The following TRPS1 variants were observed in gnomAD, a reference collection of about 807,000 sequenced individuals.
The protein encoded by TRPS1 is transcriptional repressor GATA binding 1.
A neutral mutation model predicts 101.2 loss-of-function variants in TRPS1; 6 were observed. That is an observed-to-expected ratio of 0.06 (90% CI 0.03 to 0.12). The LOEUF (loss-of-function observed/expected upper bound fraction) is 0.12, where lower values mean the gene tolerates loss of function less well. Among genes scored for constraint, TRPS1 ranks in the 10% least tolerant of loss-of-function variants. The probability of loss-of-function intolerance (pLI) is 1.00; values close to 1 mark genes in which losing one functional copy is unlikely to be tolerated. For missense variants in TRPS1, 1,363 were observed against 1,567.0 expected (o/e 0.87, Z 2.20); for synonymous variants, 578 against 589.8 (o/e 0.98, Z 0.29).
chr8:115,462,296 A>G (rs1814199457), intron 5 of TRPS1, among the ~76,000 whole-genome samples: 1 of 151,420 alleles, frequency 6.6e-6, no homozygotes, highest in Non-Finnish European at 1.5e-5. Flanking sequence ...GTGACTAGTC[A>G]TCTTCATACG....
intron 4 of TRPS1, among the ~76,000 whole-genome samples, chr8:115,599,980 C>G (rs1395748857): frequency 6.6e-6 from 1 of 152,190 alleles, no homozygotes; most frequent in Non-Finnish European, 1.5e-5. Context: ...GTTCCTATTT[C>G]TCCACATCCT....
intron 5 of TRPS1, 33 bp downstream of exon 5, chr8:115,586,968 C>T (rs1317901778): frequency 6.2e-7 from 1 of 1,613,222 alleles, no homozygotes; most frequent in Non-Finnish European, 8.5e-7. Context: ...CCCTTCAAAA[C>T]AAATGAATTA....
chr8:115,590,731 C>A (rs1309045568), intron 4 of TRPS1, among the ~76,000 whole-genome samples: 1 of 152,122 alleles, frequency 6.6e-6, no homozygotes, highest in Non-Finnish European at 1.5e-5. Context: ...ATTTACTGAA[C>A]CTGTCTCAGT....
chr8:115,636,555 CAGG>C (rs1166431135), intron 1 of TRPS1, among the ~76,000 whole-genome samples: 1 of 152,118 alleles, frequency 6.6e-6, no homozygotes, highest in Admixed American at 6.6e-5. Flanking sequence ...AGTAATAATA[CAGG>C]AGGAGACATG....
Position 115,623,731 on chromosome 8 carries a change from A to T in TRPS1, c.-94T>A. On this transcript the variant is annotated 5_prime_UTR_variant, in exon 2 of 7. Transcript: ENST00000395715. ...CTTAGAAGACGCTCAGAAGACACAG[A>T]AGACATTTTGAGAGCTGATCTGTAC... 1 of 1,555,686 alleles carries T rather than the reference A, an allele frequency of 6.4e-7. No homozygotes were observed. Among genetic ancestry groups the T allele is most frequent in the African/African-American group, 1.4e-5 (1 of 73,664 alleles).
At chr8:115,660,979 G>A (rs1482602447) in intron 1 of TRPS1, among the ~76,000 whole-genome samples, 1 of 151,874 alleles carries the variant, frequency 6.6e-6, no homozygotes, top group Non-Finnish European at 1.5e-5. Flanking sequence ...GTCTTTACAT[G>A]TTCCATATTA....
At chr8:115,607,783 A>C (rs888746033) in intron 3 of TRPS1, among the ~76,000 whole-genome samples, 1 of 152,052 alleles carries the variant, frequency 6.6e-6, no homozygotes, top group Non-Finnish European at 1.5e-5. Context: ...TAAAAGCTCT[A>C]TTTGTGGCAA....
chr8:115,536,787 GT>G (rs200319237), intron 5 of TRPS1, among the ~76,000 whole-genome samples: 191 of 143,748 alleles, frequency 1.3e-3, no homozygotes, highest in African/African-American at 4.6e-3. Flanking sequence ...TATAGCTGAA[GT>G]TTTTTTTTTG....
chr8:115,624,909 A>G (rs1818471947), intron 1 of TRPS1, among the ~76,000 whole-genome samples: 1 of 151,700 alleles, frequency 6.6e-6, no homozygotes, highest in South Asian at 2.1e-4. Flanking sequence ...CATTATCTAG[A>G]TACTGTAAAT....
intron 5 of TRPS1, among the ~76,000 whole-genome samples, chr8:115,530,209 C>A (rs546388983): frequency 6.6e-6 from 1 of 152,042 alleles, no homozygotes; most frequent in Non-Finnish European, 1.5e-5. Context: ...GCATAATGTA[C>A]AAACCTTTAT....
At chr8:115,653,206 C>CA (rs1811603230) in intron 1 of TRPS1, among the ~76,000 whole-genome samples, 1 of 151,990 alleles carries the variant, frequency 6.6e-6, no homozygotes, top group African/African-American at 2.4e-5. Context: ...ATAACATTAA[C>CA]AAAATCATTA....
At chr8:115,580,984 A>G (rs538694782) in intron 5 of TRPS1, among the ~76,000 whole-genome samples, 51 of 152,300 alleles carry the variant, frequency 3.3e-4, no homozygotes, top group Non-Finnish European at 5.1e-4. Context: ...AATAATCAAG[A>G]TACGGAATCA....
chr8:115,445,954 A>T (rs2129904247), intron 5 of TRPS1, among the ~76,000 whole-genome samples: 1 of 152,260 alleles, frequency 6.6e-6, no homozygotes, highest in East Asian at 1.9e-4. Context: ...ATTTATTATG[A>T]AGTTTTTTTC....
chr8:115,577,022 T>C (rs1817334622), intron 5 of TRPS1, among the ~76,000 whole-genome samples: 1 of 152,200 alleles, frequency 6.6e-6, no homozygotes, highest in Non-Finnish European at 1.5e-5. Context: ...GTAGGCAATT[T>C]CTGACACTAA....
intron 5 of TRPS1, among the ~76,000 whole-genome samples, chr8:115,428,490 T>C (rs1253974249): frequency 6.6e-6 from 1 of 152,236 alleles, no homozygotes; most frequent in East Asian, 1.9e-4. Context: ...TTGAGTCTGC[T>C]CAGCAGAAAG....
intron 5 of TRPS1, among the ~76,000 whole-genome samples, chr8:115,479,054 G>A (rs1339913647): frequency 2.6e-5 from 4 of 151,042 alleles, no homozygotes; most frequent in African/African-American, 9.8e-5. Flanking sequence ...CACAAGCCAC[G>A]AGTATTTTGG....
At chr8:115,459,102 C>G (rs1814100068) in intron 5 of TRPS1, among the ~76,000 whole-genome samples, 1 of 152,028 alleles carries the variant, frequency 6.6e-6, no homozygotes. Flanking sequence ...CTTTGGGAGG[C>G]CAAGGCAGGC....
At chr8:115,513,022 C>A (rs1010510802) in intron 5 of TRPS1, among the ~76,000 whole-genome samples, 1 of 151,542 alleles carries the variant, frequency 6.6e-6, no homozygotes, top group African/African-American at 2.4e-5. Context: ...ACACTTGTAC[C>A]CACACCTTCT....
chr8:115,468,720 T>C (rs934791318), intron 5 of TRPS1, among the ~76,000 whole-genome samples: 2 of 152,242 alleles, frequency 1.3e-5, no homozygotes, highest in Non-Finnish European at 2.9e-5. Flanking sequence ...CTGCTTGTTA[T>C]ACTGATGTTT....
Sources: gnomAD v4.1 joint callset for allele counts (sites outside exome capture counted in the v4.1 genomes callset) on GRCh38, gnomAD v4.1.1 for gene constraint, MANE v1.5 for transcripts, NCBI Gene and HGNC (gene_info 2026-07-23, HGNC 2026-07-21) for gene names.